The following AUTS2 variants were observed in gnomAD, a reference collection of about 807,000 sequenced individuals.
The protein encoded by AUTS2 is autism susceptibility gene 2 protein.
In AUTS2, 17 loss-of-function variants were observed where a neutral mutation model predicts 112.4. The observed-to-expected ratio is 0.15, with a 90% CI of 0.10 to 0.23. The LOEUF (loss-of-function observed/expected upper bound fraction) is 0.23, where lower values mean the gene tolerates loss of function less well. AUTS2 is among the 10% of genes least tolerant of loss of function. AUTS2 has a pLI of 1.00. For synonymous variants in AUTS2, 751 were observed against 702.7 expected (o/e 1.07, Z -1.09); for missense variants, 1,510 against 1,701.6 (o/e 0.89, Z 1.98).
intron 1 of AUTS2, among the ~76,000 whole-genome samples, chr7:69,616,632 T>G (rs993778673): frequency 1.3e-5 from 2 of 152,174 alleles, no homozygotes; most frequent in African/African-American, 4.8e-5. Flanking sequence ...CAGTGAATAG[T>G]AAGTGAAATC....
chr7:70,775,404 A>G lies in AUTS2; in HGVS notation c.1932+18A>G, dbSNP rs1283668843. Reference sequence around the variant, plus strand: ...TGTTAAGGGTAAGAAAGCTTCTTATAGAACTGTTTTGCAACCTCTATTTGA... The same window carrying G: ...TGTTAAGGGTAAGAAAGCTTCTTATGGAACTGTTTTGCAACCTCTATTTGA... On this transcript the variant is annotated intron_variant, in intron 13 of 18. Coordinates refer to ENST00000342771, the MANE Select transcript of AUTS2 (RefSeq NM_015570.4). The G allele has an allele frequency of 1.2e-6, 2 of 1,609,472 alleles. No homozygotes were observed. The highest frequency in any genetic ancestry group is 1.7e-6 in the Non-Finnish European group (2 of 1,177,388).
At chr7:70,117,628 T>C (rs1462328193) in intron 2 of AUTS2, among the ~76,000 whole-genome samples, 1 of 152,188 alleles carries the variant, frequency 6.6e-6, no homozygotes, top group East Asian at 1.9e-4. Context: ...GTTCTCTACA[T>C]TGACATTTCA....
chr7:70,320,804 C>G (rs184632919), intron 4 of AUTS2, among the ~76,000 whole-genome samples: 28 of 152,280 alleles, frequency 1.8e-4, no homozygotes, highest in Admixed American at 1.1e-3. Context: ...TTTGAAGTCT[C>G]ATTTCAGGAG....
At chr7:70,370,622 A>G (rs1792797212) in intron 4 of AUTS2, among the ~76,000 whole-genome samples, 1 of 152,194 alleles carries the variant, frequency 6.6e-6, no homozygotes, top group Admixed American at 6.5e-5. Flanking sequence ...TTTGGCTGTG[A>G]TGAAAAATGC....
At chr7:69,993,516 G>A (rs960273370) in intron 2 of AUTS2, among the ~76,000 whole-genome samples, 2 of 152,186 alleles carry the variant, frequency 1.3e-5, no homozygotes, top group South Asian at 2.1e-4. Context: ...AGGCCAAGGA[G>A]GAAGGATTAC....
intron 2 of AUTS2, among the ~76,000 whole-genome samples, chr7:70,096,599 TAA>T (rs374942971): frequency 7.1e-5 from 6 of 84,666 alleles, no homozygotes; most frequent in Non-Finnish European, 1.2e-4. Flanking sequence ...AACTCCATCT[TAA>T]AAAAAAAAAA....
rs552064897 is a variant in AUTS2, at chr7:70,111,297, A to G, written c.523-6835A>G. Among the ~76,000 whole-genome samples, 8 of 152,324 alleles carry G rather than the reference A, an allele frequency of 5.3e-5. 1 individual carries two copies. In the South Asian group the frequency reaches 8.3e-4, roughly 16 times the overall value. ...TAGCACAGTTGACTTTATGAAAGGA[A>G]GTTCTTCTGTAAGCCTGACCTAATC... On this transcript the variant is annotated intron_variant, in intron 2 of 18. Coordinates refer to ENST00000342771, the MANE Select transcript of AUTS2 (RefSeq NM_015570.4).
chr7:70,650,561 C>T (rs1806449153), intron 5 of AUTS2, among the ~76,000 whole-genome samples: 1 of 152,242 alleles, frequency 6.6e-6, no homozygotes, highest in Non-Finnish European at 1.5e-5. Flanking sequence ...CTTACTGTGA[C>T]TCTCATCCCC....
chr7:69,618,865 G>A (rs1465227897), intron 1 of AUTS2, among the ~76,000 whole-genome samples: 1 of 152,152 alleles, frequency 6.6e-6, no homozygotes, highest in Non-Finnish European at 1.5e-5. Flanking sequence ...AGTCCAGGAG[G>A]CTCAAACCTG....
chr7:70,373,242 A>G (rs1792924385), intron 4 of AUTS2, among the ~76,000 whole-genome samples: 1 of 151,930 alleles, frequency 6.6e-6, no homozygotes, highest in Non-Finnish European at 1.5e-5. Flanking sequence ...CTGGATGTTA[A>G]ATGTTTCTGC....
At chr7:70,491,550 T>A (rs1798240675) in intron 5 of AUTS2, among the ~76,000 whole-genome samples, 1 of 147,878 alleles carries the variant, frequency 6.8e-6, no homozygotes, top group Non-Finnish European at 1.5e-5. Context: ...ACATATATGT[T>A]ATATATAATA....
intron 2 of AUTS2, among the ~76,000 whole-genome samples, chr7:70,114,951 C>G (rs2129572059): frequency 6.6e-6 from 1 of 152,210 alleles, no homozygotes; most frequent in African/African-American, 2.4e-5. Flanking sequence ...TCCTAAGTTT[C>G]CTTTAAACTT....
At chr7:70,248,949 G>T (rs549133507) in intron 4 of AUTS2, among the ~76,000 whole-genome samples, 2 of 152,050 alleles carry the variant, frequency 1.3e-5, no homozygotes, top group East Asian at 3.8e-4. Flanking sequence ...ATTGCTTTCA[G>T]ACCATTCATG....
At chr7:69,683,069 C>T (rs1796875992) in intron 1 of AUTS2, among the ~76,000 whole-genome samples, 1 of 152,224 alleles carries the variant, frequency 6.6e-6, no homozygotes, top group Admixed American at 6.5e-5. Context: ...AACGGAAAAC[C>T]CCCATTGCTG....
At chr7:70,053,542 T>G (rs1801848034) in intron 2 of AUTS2, among the ~76,000 whole-genome samples, 1 of 139,120 alleles carries the variant, frequency 7.2e-6, no homozygotes, top group African/African-American at 2.8e-5. Flanking sequence ...CTGTTTTGGG[T>G]GGTTTTTTTT....
chr7:70,762,941 T>A lies in AUTS2; in HGVS notation c.814T>A (p.Ser272Thr), dbSNP rs756285195. Residue 272 changes from serine to threonine, a missense_variant, in exon 7 of 19, where the codon TCG becomes ACG. Around this residue, in one of 3 missense-constraint regions of AUTS2, gnomAD observed 535 missense variants for 594.3 expected, o/e 0.90. Transcript: ENST00000342771. ...TGCAGGGCCGATTGTCCCCAAGATATCGGGTCTAGAGAGAAGCCAGGAGAA... is the reference window on the plus strand; with the variant it reads ...TGCAGGGCCGATTGTCCCCAAGATAACGGGTCTAGAGAGAAGCCAGGAGAA... ...QDAGPIVPKI[S>T]GLERSQEKSQ... The A allele has an allele frequency of 6.2e-7, 1 of 1,613,994 alleles. No individual in the cohort carries two copies. The highest frequency in any genetic ancestry group is 1.7e-5 in the Admixed American group (1 of 60,008).
chr7:69,996,679 A>G (rs1445105022), intron 2 of AUTS2, among the ~76,000 whole-genome samples: 1 of 152,084 alleles, frequency 6.6e-6, no homozygotes, highest in East Asian at 1.9e-4. Flanking sequence ...CTTATTCAGG[A>G]TAGAAATTTC....
At chr7:70,068,888 G>T (rs1277867882) in intron 2 of AUTS2, among the ~76,000 whole-genome samples, 2 of 152,224 alleles carry the variant, frequency 1.3e-5, no homozygotes, top group African/African-American at 4.8e-5. Flanking sequence ...ATGACTTTCA[G>T]TCTGTGAGAC....
At chr7:70,416,334 C>T (rs1023711507) in intron 4 of AUTS2, among the ~76,000 whole-genome samples, 3 of 152,144 alleles carry the variant, frequency 2.0e-5, no homozygotes, top group Non-Finnish European at 2.9e-5. Context: ...TCTCTTTGTC[C>T]AGTGTGTAAC....
Sources: gnomAD v4.1 joint callset for allele counts (sites outside exome capture counted in the v4.1 genomes callset) on GRCh38, gnomAD v4.1.1 for gene constraint, gnomAD v4.1.1 regional missense constraint, MANE v1.5 for transcripts, NCBI Gene and HGNC (gene_info 2026-07-23, HGNC 2026-07-21) for gene names.